Variants in CDH18 observed in about 807,000 individuals in gnomAD.
CDH18 encodes cadherin-18.
CDH18 carries 31 observed loss-of-function variants against 67.9 expected under a neutral mutation model. That is an observed-to-expected ratio of 0.46 (90% CI 0.34 to 0.62). The LOEUF (loss-of-function observed/expected upper bound fraction) is 0.62, where lower values mean the gene tolerates loss of function less well. Among genes scored for constraint, CDH18 ranks in the 20% least tolerant of loss-of-function variants. The pLI is 0.01. For synonymous variants in CDH18, 362 were observed against 347.2 expected (o/e 1.04, Z -0.48); for missense variants, 890 against 975.5 (o/e 0.91, Z 1.17).
intron 2 of CDH18, among the ~76,000 whole-genome samples, chr5:20,094,194 T>G (rs971348988): frequency 6.6e-6 from 1 of 152,150 alleles, no homozygotes; most frequent in Non-Finnish European, 1.5e-5. Context: ...TCAGATTGAA[T>G]TAAAGTGATG....
intron 5 of CDH18, among the ~76,000 whole-genome samples, chr5:19,660,906 G>T (rs1001339985): frequency 7.2e-5 from 11 of 151,828 alleles, no homozygotes; most frequent in Non-Finnish European, 1.2e-4. Context: ...AGATGGGATT[G>T]TTTCAAGCCT....
chr5:19,923,820 A>G (rs1438919295), intron 2 of CDH18, among the ~76,000 whole-genome samples: 1 of 152,200 alleles, frequency 6.6e-6, no homozygotes, highest in Admixed American at 6.5e-5. Flanking sequence ...ACTCTTCTCA[A>G]AAAGATAGCT....
At chr5:19,834,826 T>C (rs570086501) in intron 3 of CDH18, among the ~76,000 whole-genome samples, 1 of 152,186 alleles carries the variant, frequency 6.6e-6, no homozygotes, top group African/African-American at 2.4e-5. Context: ...TGAAATTGCA[T>C]GATTTTGAGT....
At chr5:19,508,236 A>G (rs888136816) in intron 10 of CDH18, among the ~76,000 whole-genome samples, 6 of 152,074 alleles carry the variant, frequency 3.9e-5, no homozygotes, top group African/African-American at 1.4e-4. Context: ...TTCTTTAGAA[A>G]ATATACCTGG....
intron 2 of CDH18, among the ~76,000 whole-genome samples, chr5:20,141,354 C>T (rs1218387800): frequency 6.6e-6 from 1 of 152,018 alleles, no homozygotes; most frequent in Non-Finnish European, 1.5e-5. Context: ...AGTAAAGCAT[C>T]CTAACTAGGA....
chr5:20,284,111 C>G (rs908734933), intron 1 of CDH18, among the ~76,000 whole-genome samples: 1 of 151,622 alleles, frequency 6.6e-6, no homozygotes, highest in Non-Finnish European at 1.5e-5. Context: ...GGGATGGTAG[C>G]GGGGAGTGGG....
intron 4 of CDH18, among the ~76,000 whole-genome samples, chr5:19,732,672 T>C (rs76086081): frequency 0.02 from 2,996 of 152,270 alleles, 107 homozygotes; most frequent in African/African-American, 0.069. Context: ...GTTATCTCTC[T>C]TGTAAAGTTT....
chr5:19,983,070 T>C (rs1387077007), intron 1 of CDH18, among the ~76,000 whole-genome samples: 1 of 147,938 alleles, frequency 6.8e-6, no homozygotes, highest in Non-Finnish European at 1.5e-5. Flanking sequence ...AAAGACATAA[T>C]GGAGAAATAT....
chr5:20,264,371 C>T (rs1332112144), intron 1 of CDH18, among the ~76,000 whole-genome samples: 1 of 151,996 alleles, frequency 6.6e-6, no homozygotes, highest in Non-Finnish European at 1.5e-5. Flanking sequence ...AATTATTACA[C>T]AATTACTTCA....
chr5:20,136,540 C>A (rs950728882), intron 2 of CDH18, among the ~76,000 whole-genome samples: 7 of 152,114 alleles, frequency 4.6e-5, no homozygotes, highest in African/African-American at 1.4e-4. Context: ...GACTCTTTAT[C>A]CAATTTGCCA....
At chr5:20,166,530 C>A (rs1333123683) in intron 2 of CDH18, among the ~76,000 whole-genome samples, 2 of 151,690 alleles carry the variant, frequency 1.3e-5, no homozygotes, top group Admixed American at 6.6e-5. Context: ...TCCATTGCCA[C>A]CTACAGAACT....
At chr5:19,930,771 A>G (rs1193861121) in intron 2 of CDH18, among the ~76,000 whole-genome samples, 1 of 152,056 alleles carries the variant, frequency 6.6e-6, no homozygotes, top group African/African-American at 2.4e-5. Context: ...TGTAGTGCAT[A>G]AGATCCGTAA....
intron 2 of CDH18, among the ~76,000 whole-genome samples, chr5:19,951,923 C>G (rs1795829206): frequency 1.3e-5 from 2 of 152,136 alleles, no homozygotes; most frequent in Admixed American, 1.3e-4. Context: ...CACTAATTCT[C>G]AACTCACTTA....
intron 1 of CDH18, among the ~76,000 whole-genome samples, chr5:20,415,098 G>C (rs550854764): frequency 2.9e-4 from 44 of 152,076 alleles, no homozygotes; most frequent in Non-Finnish European, 6.0e-4. Flanking sequence ...ATAAACAGAT[G>C]AATGAGGCCA....
chr5:19,917,820 CAT>C (rs979162959), intron 2 of CDH18, among the ~76,000 whole-genome samples: 1 of 152,092 alleles, frequency 6.6e-6, no homozygotes, highest in Non-Finnish European at 1.5e-5. Context: ...GATTGCATAA[CAT>C]AATGTGGTCA....
At chr5:20,419,588 G>A (rs1451295396) in intron 1 of CDH18, among the ~76,000 whole-genome samples, 1 of 137,732 alleles carries the variant, frequency 7.3e-6, no homozygotes, top group Non-Finnish European at 1.5e-5. Flanking sequence ...CTATTCTCCT[G>A]CCTCAGCTCC....
chr5:20,152,868 G>A (rs530396196), intron 2 of CDH18, among the ~76,000 whole-genome samples: 1 of 151,632 alleles, frequency 6.6e-6, no homozygotes, highest in South Asian at 2.1e-4. Flanking sequence ...CTATTCAGAT[G>A]CATTATCCAT....
chr5:20,485,460 T>A (rs1358259479), intron 1 of CDH18, among the ~76,000 whole-genome samples: 3 of 152,292 alleles, frequency 2.0e-5, no homozygotes, highest in African/African-American at 4.8e-5. Flanking sequence ...TGTGGAAGGA[T>A]GATAAAAACT....
chr5:19,772,469 TGGGTTACAAGAGAA>T (rs1183695147), intron 3 of CDH18, among the ~76,000 whole-genome samples: 14 of 151,810 alleles, frequency 9.2e-5, no homozygotes, highest in African/African-American at 3.4e-4. Flanking sequence ...AGCTGGAAAA[TGGGTTACAAGAGAA>T]GGAATTCAGG....
Sources: gnomAD v4.1 joint callset for allele counts (sites outside exome capture counted in the v4.1 genomes callset) on GRCh38, gnomAD v4.1.1 for gene constraint, MANE v1.5 for transcripts, NCBI Gene and HGNC (gene_info 2026-07-23, HGNC 2026-07-21) for gene names.